LDLRAD4: variants seen among roughly 807,000 people sequenced by gnomAD.
The protein encoded by LDLRAD4 is low-density lipoprotein receptor class A domain-containing protein 4.
LDLRAD4 carries 5 observed loss-of-function variants against 17.0 expected under a neutral mutation model. The ratio of observed to expected loss-of-function variants is 0.29; its 90% CI spans 0.15 to 0.62. LDLRAD4 has a LOEUF of 0.62. Ranked by LOEUF, LDLRAD4 falls within the 20% of genes least tolerant of loss-of-function variation. The pLI is 0.84. For missense variants in LDLRAD4, 340 were observed against 424.7 expected (o/e 0.80, Z 1.75); for synonymous variants, 168 against 171.8 (o/e 0.98, Z 0.17).
intron 3 of LDLRAD4, among the ~76,000 whole-genome samples, chr18:13,478,787 A>G (rs145629453): frequency 1.3e-5 from 2 of 152,366 alleles, no homozygotes; most frequent in East Asian, 1.9e-4. Context: ...TCTAAAGTTT[A>G]TATGGAAAGG....
At chr18:13,225,460 A>G (rs2041732076) in intron 1 of LDLRAD4, among the ~76,000 whole-genome samples, 1 of 152,196 alleles carries the variant, frequency 6.6e-6, no homozygotes, top group African/African-American at 2.4e-5. Context: ...GCATGGGGCT[A>G]GCCCGGCATG....
intron 3 of LDLRAD4, among the ~76,000 whole-genome samples, chr18:13,507,271 G>A (rs993895738): frequency 2.6e-5 from 4 of 152,204 alleles, no homozygotes; most frequent in South Asian, 2.1e-4. Flanking sequence ...CCCATCACCC[G>A]AGCAGTGTAT....
chr18:13,561,511 C>T (rs1385129652), intron 3 of LDLRAD4: 1 of 152,228 alleles, frequency 6.6e-6, no homozygotes, highest in East Asian at 1.9e-4. Context: ...TAAATGGTTT[C>T]TGCTGCGTGA....
chr18:13,437,574 G>C (rs2090749544), intron 2 of LDLRAD4, among the ~76,000 whole-genome samples: 1 of 152,198 alleles, frequency 6.6e-6, no homozygotes, highest in South Asian at 2.1e-4. Context: ...AAGGATTTGG[G>C]TATGGGACCT....
At chr18:13,389,115 C>T (rs767817704) in intron 2 of LDLRAD4, among the ~76,000 whole-genome samples, 62 of 152,168 alleles carry the variant, frequency 4.1e-4, no homozygotes, top group Non-Finnish European at 7.2e-4. Context: ...TGGGGGAGCA[C>T]GTGCAAAGCT....
intron 3 of LDLRAD4, chr18:13,460,038 G>A (rs59728040): frequency 0.25 from 38,663 of 153,936 alleles, 5,127 homozygotes; most frequent in East Asian, 0.37. Flanking sequence ...ACGTCGTCAC[G>A]CCATGGTCAT....
chr18:13,329,358 A>C (rs954240129), intron 1 of LDLRAD4, among the ~76,000 whole-genome samples: 2 of 152,216 alleles, frequency 1.3e-5, no homozygotes, highest in Non-Finnish European at 2.9e-5. Flanking sequence ...GCCTACTAGG[A>C]AAAAAAGTAA....
At chr18:13,562,569 T>TC (rs1316874470) in intron 3 of LDLRAD4, among the ~76,000 whole-genome samples, 1 of 152,208 alleles carries the variant, frequency 6.6e-6, no homozygotes, top group Non-Finnish European at 1.5e-5. Flanking sequence ...ACCCACGCGG[T>TC]CCGTCAGAGC....
intron 3 of LDLRAD4, among the ~76,000 whole-genome samples, chr18:13,618,197 A>C (rs529784973): frequency 1.3e-5 from 2 of 152,364 alleles, no homozygotes; most frequent in African/African-American, 4.8e-5. Flanking sequence ...AAGTGAAAAG[A>C]CACAAACAAG....
rs562658790 is a variant in LDLRAD4 at position 13,266,632 on chromosome 18, G to A, written c.-466-11473G>A. ...TAGTGACCGTCTTAGGCAGAAGGCA[G>A]GCTGCCGCAGGGCCTCCACGCTCAG... On this transcript the variant is annotated intron_variant, in intron 1 of 5. Coordinates refer to the LDLRAD4 transcript ENST00000399848. 2.6e-5 allele frequency among the ~76,000 whole-genome samples: 4 copies of A among 152,396 alleles called. No individual in the cohort carries two copies. The East Asian group carries it at 7.7e-4, about 29-fold the overall frequency.
In LDLRAD4 at chr18:13,488,152, C is replaced by T. The variant is rs146260008; in HGVS notation, c.181+49768C>T. ...GACTTCCAGGGACAGCCTTGGCCCC[C>T]TTTCCGCTCTGCCTTGCCATCTCCC... On this transcript the variant is annotated intron_variant, in intron 3 of 5. Coordinates refer to ENST00000359446, the Ensembl canonical transcript of LDLRAD4. The T allele has an allele frequency of 5.3e-3, 807 of 152,806 alleles. 4 individuals carry two copies. The highest frequency in any genetic ancestry group is 0.026 in the South Asian group (128 of 4,832). 9.5% of individuals were successfully genotyped at this position (152,806 alleles called of 1,614,324 possible). A position where few individuals can be genotyped will look rare whatever the true frequency, so the allele number is the denominator to read the frequency against.
chr18:13,542,908 A>G (rs1457686332), intron 3 of LDLRAD4: 3 of 152,176 alleles, frequency 2.0e-5, no homozygotes, highest in African/African-American at 7.2e-5. Flanking sequence ...GTCCCCTCCA[A>G]GTCCTTCTGA....
At chr18:13,278,009 G>C (rs186163782), upstream of LDLRAD4, 1 of 151,992 alleles carries the variant, frequency 6.6e-6, no homozygotes, top group Non-Finnish European at 1.5e-5. Flanking sequence ...GCCTCTTCTC[G>C]TGACAGCCCT....
rs80165365 is a variant in LDLRAD4 at position 13,259,639 on chromosome 18, T to G, written c.-466-18466T>G. ...TGGTATGTGGTTTTGGTTCATTTTC[T>G]TCCACTTGTTTCTTTCTCCTGTTTT... On this transcript the variant is annotated intron_variant, in intron 1 of 5. Coordinates refer to the LDLRAD4 transcript ENST00000399848. Among the ~76,000 whole-genome samples, 281 of 152,352 alleles carry G rather than the reference T, an allele frequency of 1.8e-3. 9 individuals are homozygous for G. In the East Asian group the frequency reaches 0.047, roughly 26 times the overall value.
intron 3 of LDLRAD4, among the ~76,000 whole-genome samples, chr18:13,600,632 G>A (rs1248485465): frequency 6.6e-6 from 1 of 152,216 alleles, no homozygotes; most frequent in African/African-American, 2.4e-5. Flanking sequence ...AGAAGACCAT[G>A]TGTGACCAAA....
intron 3 of LDLRAD4, among the ~76,000 whole-genome samples, chr18:13,587,815 C>A (rs2148507443): frequency 6.6e-6 from 1 of 152,276 alleles, no homozygotes; most frequent in East Asian, 1.9e-4. Flanking sequence ...TTGTTTATTT[C>A]CTTAGCTTTA....
chr18:13,586,904 A>G (rs1370688310), intron 3 of LDLRAD4, among the ~76,000 whole-genome samples: 1 of 151,844 alleles, frequency 6.6e-6, no homozygotes, highest in Non-Finnish European at 1.5e-5. Context: ...GGGGATCAGT[A>G]TGTGTATGCA....
chr18:13,368,365 C>CTCAG (rs917597128), intron 1 of LDLRAD4, among the ~76,000 whole-genome samples: 5 of 152,102 alleles, frequency 3.3e-5, no homozygotes, highest in African/African-American at 1.2e-4. Context: ...CAGGCGTGGG[C>CTCAG]TCAGCACTGT....
chr18:13,252,600 G>A (rs940589084), intron 1 of LDLRAD4, among the ~76,000 whole-genome samples: 6 of 152,198 alleles, frequency 3.9e-5, no homozygotes, highest in African/African-American at 1.4e-4. Context: ...TGATGACGAG[G>A]TTGGTGCTGC....
Sources: gnomAD v4.1 joint callset for allele counts (sites outside exome capture counted in the v4.1 genomes callset) on GRCh38, gnomAD v4.1.1 for gene constraint, MANE v1.5 for transcripts, NCBI Gene and HGNC (gene_info 2026-07-23, HGNC 2026-07-21) for gene names.